MUC3A: variants seen among roughly 807,000 people sequenced by gnomAD.
MUC3A encodes mucin-3A.
MUC3A carries 109 observed loss-of-function variants against 109.0 expected under a neutral mutation model. The ratio of observed to expected loss-of-function variants is 1.00; its 90% confidence interval spans 0.86 to 1.17. MUC3A has a LOEUF of 1.17. Ranked by LOEUF, MUC3A falls within the 50% of genes most tolerant of loss-of-function variation. MUC3A has a pLI of 0.00. For synonymous variants in MUC3A, 1,398 were observed against 981.4 expected, an observed-to-expected ratio of 1.42 and a Z score of -7.93; for missense variants, 3,537 against 2,469.4, an observed-to-expected ratio of 1.43 and a Z score of -9.16.
rs1157271085 is a variant in MUC3A, at chr7:100,963,367, C to G, written c.9168+101C>G. 3.1e-6 allele frequency: 3 copies of G among 952,548 alleles called. No homozygotes were observed. The African/African-American group carries it at 5.0e-5, about 16-fold the overall frequency. 59.0% of individuals were successfully genotyped at this position (952,548 alleles called of 1,614,324 possible). On this transcript the variant is annotated intron_variant, in intron 4 of 11. Coordinates refer to ENST00000379458, the MANE Select transcript of MUC3A (RefSeq NM_005960.2). ...ATGGTGCGATCTTGGGTCACTGCAA[C>G]CTCCGCCTCCCGGGTTCACATGATT...
In MUC3A at chr7:100,955,772, C is replaced by T. The variant is rs1355456906; in HGVS notation, c.3993C>T (p.Thr1331=). 1 of 266,170 alleles carries T rather than the reference C, an allele frequency of 3.8e-6. No individual in the cohort carries two copies. The highest frequency in any genetic ancestry group is 6.1e-6 in the Non-Finnish European group (1 of 164,398). The allele number at this position is 266,170 out of a possible 1,614,324, so 16.5% of individuals were successfully genotyped here. A position where few individuals can be genotyped will look rare whatever the true frequency, so the allele number is the denominator to read the frequency against. ...ALAPTTTTSF[T]TSPTMEPPST... is the part of the protein sequence containing the mutation. ...CACCCACTACCACCACCTCATTCAC[C>T]ACATCCCCAACGATGGAACCACCTT... is the stretch of plus-strand genomic sequence containing the variant. Residue 1331 remains threonine (T), a synonymous_variant, in exon 2 of 12, where the codon ACC becomes ACT. Coordinates refer to ENST00000379458, the MANE Select transcript of MUC3A (RefSeq NM_005960.2).
rs1298317536 is a variant in MUC3A at position 100,956,461 on chromosome 7, C to A, written c.4682C>A (p.Ser1561Tyr). ...TTGGGTACCATGGTGACTTCTACAT[C>A]CATGATCCCATCTACTGTGAGTACA... is the stretch of plus-strand genomic sequence containing the variant. The part of the protein sequence containing the change: ...TTLGTMVTST[S>Y]MIPSTVSTGI... Residue 1561 changes from serine to tyrosine, a missense_variant, in exon 2 of 12, where the codon TCC (serine) becomes TAC (tyrosine). Physicochemically the swap from Ser to Tyr is moderately radical, Grantham distance 144. Coordinates refer to ENST00000379458, the MANE Select transcript of MUC3A (RefSeq NM_005960.2). The A allele has an allele frequency of 6.4e-6, 4 of 625,470 alleles. No individual in the cohort carries two copies. Among genetic ancestry groups the A allele is most frequent in the Non-Finnish European group, 8.5e-6 (3 of 352,098 alleles). The allele number at this position is 625,470 out of a possible 1,614,324, so 38.7% of individuals were successfully genotyped here. A position where few individuals can be genotyped will look rare whatever the true frequency, so the allele number is the denominator to read the frequency against.
chr7:100,964,797 G>C lies in MUC3A; in HGVS notation c.9336G>C (p.Gly3112=). Residue 3112 remains glycine (G), a synonymous_variant, in exon 6 of 12, where the codon GGG becomes GGC. Transcript: ENST00000379458. ...AGGTGAAGACCACGCTGAAGGAGGGGCTGCAGAACGCCAGCCAGGATGTGA... is the reference window on the plus strand; with the variant it reads ...AGGTGAAGACCACGCTGAAGGAGGGCCTGCAGAACGCCAGCCAGGATGTGA... ...YEQVKTTLKE[G]LQNASQDVNS... 1.3e-6 allele frequency: 2 copies of C among 1,598,216 alleles called. No individual in the cohort carries two copies. The highest frequency in any genetic ancestry group is 8.5e-7 in the Non-Finnish European group (1 of 1,179,534).
chr7:100,963,768 G>A lies in MUC3A; in HGVS notation c.9233+16G>A. 6.3e-7 allele frequency: 1 copy of A among 1,598,566 alleles called. No individual in the cohort carries two copies. The highest frequency in any genetic ancestry group is 8.5e-7 in the Non-Finnish European group (1 of 1,179,818). On this transcript the variant is annotated intron_variant, in intron 5 of 11. Transcript: ENST00000379458. ...TGTCCCTGAGGTAGGAGACCCATCT[G>A]GGGATGCGGAGGCGGTGTTGGGTGG...
chr7:100,959,360 A>G lies in MUC3A; in HGVS notation c.7581A>G (p.Ser2527=). Residue 2527 remains serine (S), a synonymous_variant, in exon 2 of 12, where the codon TCA becomes TCG. Coordinates refer to ENST00000379458, the MANE Select transcript of MUC3A (RefSeq NM_005960.2). The stretch of plus-strand genomic sequence containing the variant: ...TACCAACTCGAACACACATCATTTC[A>G]TCTTCTCCCTCCATCCAAAGTACAG... ...STLPTRTHII[S]SSPSIQSTET... The G allele has an allele frequency of 6.5e-7, 1 of 1,540,962 alleles. No homozygotes were observed. The highest frequency in any genetic ancestry group is 1.3e-5 in the South Asian group (1 of 79,634).
In MUC3A at chr7:100,952,685, A is replaced by ATTG. The variant is rs758942978; in HGVS notation, c.906_907insTTG (p.Glu302_Thr303insLeu). 1 of 1,554,192 alleles carries ATTG rather than the reference A, an allele frequency of 6.4e-7. No homozygotes were observed. Among genetic ancestry groups the ATTG allele is most frequent in the African/African-American group, 1.6e-5 (1 of 63,856 alleles). On this transcript the variant is annotated inframe_insertion, in exon 2 of 12. Coordinates refer to ENST00000379458, the MANE Select transcript of MUC3A (RefSeq NM_005960.2). ...CTTCCACACCTGTCCTGAGCACAGA[A>ATTG]ACAATCACCAGTGGTATCACAAACA...
Position 100,959,792 on chromosome 7 carries a change from T to C in MUC3A, c.8013T>C (p.Asn2671=). The C allele has an allele frequency of 1.3e-6, 2 of 1,595,308 alleles. No homozygotes were observed. The highest frequency in any genetic ancestry group is 1.1e-5 in the South Asian group (1 of 90,326). Residue 2671 remains asparagine (N), a synonymous_variant, in exon 2 of 12, where the codon AAT becomes AAC. Coordinates refer to ENST00000379458, the MANE Select transcript of MUC3A (RefSeq NM_005960.2). Reference sequence around the variant, plus strand: ...TCACTAGGGGAAGTACGTCTACAAATGCAATCTTGACTTCTTTTAGTACCA... The same window carrying C: ...TCACTAGGGGAAGTACGTCTACAAACGCAATCTTGACTTCTTTTAGTACCA... ...ESFTRGSTST[N]AILTSFSTII... is the part of the protein sequence containing the mutation.
At chr7:100,963,862 G>T (rs1792427956) in intron 5 of MUC3A, 110 bp downstream of exon 5, 20 of 1,481,790 alleles carry the variant, frequency 1.3e-5, no homozygotes, top group Non-Finnish European at 1.7e-5. Context: ...AAGAGGGGTG[G>T]AGGGGGTACA....
In MUC3A at chr7:100,958,692, C is replaced by G. The variant is rs1584803889; in HGVS notation, c.6913C>G (p.Pro2305Ala). ...TTTKTTSHSTPSFTSSITTTE... is the reference protein window; with the variant it reads ...TTTKTTSHSTASFTSSITTTE... The stretch of plus-strand genomic sequence containing the variant: ...CACCAAGACCACCTCACACAGTACT[C>G]CCAGCTTCACTTCTTCGATCACCAC... The change falls in exon 2 of 12, where the codon CCC (proline) becomes GCC (alanine). Residue 2305 changes from proline to alanine, a missense_variant. Coordinates refer to ENST00000379458, the MANE Select transcript of MUC3A (RefSeq NM_005960.2). The G allele has an allele frequency of 3.1e-6, 5 of 1,588,282 alleles. No individual in the cohort carries two copies. The highest frequency in any genetic ancestry group is 2.2e-5 in the South Asian group (2 of 90,484).
In MUC3A at chr7:100,955,227, A is replaced by T; in HGVS notation, c.3448A>T (p.Ser1150Cys). 3.1e-6 allele frequency: 2 copies of T among 645,900 alleles called. No individual in the cohort carries two copies. The highest frequency in any genetic ancestry group is 5.5e-6 in the Non-Finnish European group (2 of 365,390). The allele number at this position is 645,900 out of a possible 1,614,324, so 40.0% of individuals were successfully genotyped here. ...ITTTPNTTSL[S>C]TPSFTSSTIY... ...CACCACCCCTAATACCACCTCCCTT[A>T]GTACCCCCAGCTTCACTTCTTCAAC... Residue 1150 changes from serine (S) to cysteine (C), a missense_variant, in exon 2 of 12, where the codon AGT (serine) becomes TGT (cysteine). Transcript: ENST00000379458.
In MUC3A at chr7:100,957,478, C is replaced by T. The variant is rs1308775621; in HGVS notation, c.5699C>T (p.Thr1900Ile). ...TNLVTTTTKI[T>I]SHSTPSFTSS... ...TTGGTAACCACGACCACCAAGATCA[C>T]CTCACACAGTACTCCTAGCTTCACT... Residue 1900 changes from threonine to isoleucine, a missense_variant, in exon 2 of 12, where the codon ACC becomes ATC. By Grantham distance (89) the Thr-to-Ile change is moderately conservative. Transcript: ENST00000379458. 1 of 1,435,456 alleles carries T rather than the reference C, an allele frequency of 7.0e-7. No homozygotes were observed. The highest frequency in any genetic ancestry group is 9.3e-7 in the Non-Finnish European group (1 of 1,078,568). 88.9% of individuals were successfully genotyped at this position (1,435,456 alleles called of 1,614,324 possible).
chr7:100,960,055 C>T lies in MUC3A; in HGVS notation c.8276C>T (p.Ser2759Phe). 1 of 1,510,268 alleles carries T rather than the reference C, an allele frequency of 6.6e-7. No individual in the cohort carries two copies. The highest frequency in any genetic ancestry group is 2.3e-5 in the East Asian group (1 of 44,250). 93.6% of individuals were successfully genotyped at this position (1,510,268 alleles called of 1,614,324 possible). The change falls in exon 2 of 12, where the codon TCT (serine) becomes TTT (phenylalanine). Residue 2759 changes from serine to phenylalanine, a missense_variant. Physicochemically the swap from Ser to Phe is radical, Grantham distance 155 (BLOSUM62 -2). Coordinates refer to ENST00000379458, the MANE Select transcript of MUC3A (RefSeq NM_005960.2). ...GCTCTCACTGAAATAACCCCCTTTT[C>T]TTATATTTCCCTTCCCTCCACCACA... ...TTALTEITPF[S>F]YISLPSTTPC...
rs776482962 is a variant in MUC3A at position 100,958,723 on chromosome 7, A to T, written c.6944A>T (p.Glu2315Val). Reference sequence around the variant, plus strand: ...TTCACTTCTTCGATCACCACCACGGAGACCACCTCACACAGTGCTCACAGC... The same window carrying T: ...TTCACTTCTTCGATCACCACCACGGTGACCACCTCACACAGTGCTCACAGC... ...PSFTSSITTT[E>V]TTSHSAHSFT... The change falls in exon 2 of 12, where the codon GAG becomes GTG. Residue 2315 changes from glutamate (E) to valine (V), a missense_variant. Coordinates refer to ENST00000379458, the MANE Select transcript of MUC3A (RefSeq NM_005960.2). The T allele has an allele frequency of 6.6e-7, 1 of 1,515,940 alleles. No homozygotes were observed. Among genetic ancestry groups the T allele is most frequent in the Non-Finnish European group, 8.9e-7 (1 of 1,120,782 alleles). The allele number at this position is 1,515,940 out of a possible 1,614,324, so 93.9% of individuals were successfully genotyped here. A position where few individuals can be genotyped will look rare whatever the true frequency, so the allele number is the denominator to read the frequency against.
chr7:100,964,625 T>A (rs908049686), intron 5 of MUC3A, 70 bp from the exon 6 acceptor site: 3 of 1,537,820 alleles, frequency 2.0e-6, no homozygotes, highest in Non-Finnish European at 2.6e-6. Flanking sequence ...TTGGGTTGCT[T>A]CTGGAGGTGC....
At position 100,954,199 on chromosome 7, in the gene MUC3A, C is replaced by T. The variant is rs1359496641; in HGVS notation, c.2420C>T (p.Thr807Ile). The stretch of plus-strand genomic sequence containing the variant: ...ACGTTGGGTACCATGGTAACTTCTA[C>T]ATCCATGATCTCATCTACTGTGAGT... ...PTTLGTMVTSTSMISSTVSTG... is the reference protein window; with the variant it reads ...PTTLGTMVTSISMISSTVSTG... The change falls in exon 2 of 12, where the codon ACA (threonine) becomes ATA (isoleucine). Residue 807 changes from threonine to isoleucine, a missense_variant. Transcript: ENST00000379458. 1.9e-6 allele frequency: 1 copy of T among 527,552 alleles called. No individual in the cohort carries two copies. Among genetic ancestry groups the T allele is most frequent in the Non-Finnish European group, 3.3e-6 (1 of 300,982 alleles). 32.7% of individuals were successfully genotyped at this position (527,552 alleles called of 1,614,324 possible). A position where few individuals can be genotyped will look rare whatever the true frequency, so the allele number is the denominator to read the frequency against.
In MUC3A at chr7:100,953,522, C is replaced by A; in HGVS notation, c.1743C>A (p.Ser581=). Residue 581 remains serine (S), a synonymous_variant, in exon 2 of 12, where the codon TCC becomes TCA. Coordinates refer to ENST00000379458, the MANE Select transcript of MUC3A (RefSeq NM_005960.2). ...CTACCACCACCTCATTCACAACTTC[C>A]ACAACTATGGAACCACCTTCAACCA... ...APTTTTSFTT[S]TTMEPPSTTA... is the part of the protein sequence containing the mutation. The A allele has an allele frequency of 5.5e-6, 2 of 363,616 alleles. No homozygotes were observed. The highest frequency in any genetic ancestry group is 9.1e-6 in the Non-Finnish European group (2 of 219,512). 22.5% of individuals were successfully genotyped at this position (363,616 alleles called of 1,614,324 possible). A position where few individuals can be genotyped will look rare whatever the true frequency, so the allele number is the denominator to read the frequency against.
Position 100,957,889 on chromosome 7 carries a change from C to T in MUC3A, c.6110C>T (p.Ser2037Phe). The T allele has an allele frequency of 3.9e-6, 3 of 768,790 alleles. No individual in the cohort carries two copies. The highest frequency in any genetic ancestry group is 2.5e-5 in the East Asian group (1 of 39,996). The allele number at this position is 768,790 out of a possible 1,614,324, so 47.6% of individuals were successfully genotyped here. Residue 2037 changes from serine (S) to phenylalanine (F), a missense_variant, in exon 2 of 12, where the codon TCC (serine) becomes TTC (phenylalanine). By Grantham distance (155) the Ser-to-Phe change is radical. Transcript: ENST00000379458. ...TSSITTTETT[S>F]HSTPSFTSSI... ...TCGATCACAACCACCGAGACCACATCCCATAGTACTCCCAGCTTCACTTCT... is the reference window on the plus strand; with the variant it reads ...TCGATCACAACCACCGAGACCACATTCCATAGTACTCCCAGCTTCACTTCT...
intron 3 of MUC3A, among the ~76,000 whole-genome samples, chr7:100,962,351 A>C (rs1792355444): frequency 6.6e-6 from 1 of 152,260 alleles, no homozygotes; most frequent in South Asian, 2.1e-4. Context: ...CTGGGAGTTC[A>C]AGGCTGCAGT....
chr7:100,966,281 C>G, intron 8 of MUC3A, 105 bp from the exon 9 acceptor site: 1 of 909,052 alleles, frequency 1.1e-6, no homozygotes, highest in Non-Finnish European at 1.3e-6. Context: ...CCCCCGCTGC[C>G]CTAGGCTGGA....
Sources: gnomAD v4.1 joint callset for allele counts (sites outside exome capture counted in the v4.1 genomes callset) on GRCh38, gnomAD v4.1.1 for gene constraint, MANE v1.5 for transcripts, NCBI Gene and HGNC (gene_info 2026-07-23, HGNC 2026-07-21) for gene names.